Variants in TJP1 observed in about 807,000 individuals in gnomAD.
The protein encoded by TJP1 is tight junction protein 1, also known as tight junction protein ZO-1.
TJP1 carries 43 observed loss-of-function variants against 194.2 expected under a neutral mutation model. The observed-to-expected ratio is 0.22, with a 90% CI of 0.17 to 0.29. TJP1 has a LOEUF of 0.29. Ranked by LOEUF, TJP1 falls within the 10% of genes least tolerant of loss-of-function variation. The pLI is 1.00. For synonymous variants in TJP1, 801 were observed against 779.0 expected (o/e 1.03, Z -0.47); for missense variants, 1,971 against 2,185.7 (o/e 0.90, Z 1.96).
intron 26 of TJP1, among the ~76,000 whole-genome samples, chr15:29,704,868 T>C (rs1255003962): frequency 6.6e-6 from 1 of 152,130 alleles, no homozygotes; most frequent in African/African-American, 2.4e-5. Flanking sequence ...ATCCCCAAAA[T>C]CAGAGTACAG....
chr15:29,945,068 C>T (rs548233491), intron 2 of TJP1, among the ~76,000 whole-genome samples: 3 of 152,306 alleles, frequency 2.0e-5, no homozygotes, highest in African/African-American at 7.2e-5. Flanking sequence ...ATCCAACCCT[C>T]CCACATACTT....
intron 2 of TJP1, among the ~76,000 whole-genome samples, chr15:29,936,138 G>A (rs532100239): frequency 7.2e-5 from 11 of 151,740 alleles, no homozygotes; most frequent in African/African-American, 2.4e-4. Context: ...CCTCCTATGC[G>A]CTAGAGTCCA....
At chr15:29,897,688 C>T (rs1208513265) in intron 2 of TJP1, among the ~76,000 whole-genome samples, 1 of 152,178 alleles carries the variant, frequency 6.6e-6, no homozygotes, top group Non-Finnish European at 1.5e-5. Context: ...TGCCCAAGAC[C>T]ATGGGAATCC....
chr15:29,848,636 C>T (rs902759491), intron 2 of TJP1, among the ~76,000 whole-genome samples: 8 of 151,654 alleles, frequency 5.3e-5, no homozygotes, highest in East Asian at 1.9e-4. Context: ...CCAAGGCGAG[C>T]GGATCACAAG....
intron 2 of TJP1, among the ~76,000 whole-genome samples, chr15:29,858,187 G>A (rs1286180510): frequency 6.6e-6 from 1 of 152,180 alleles, no homozygotes; most frequent in African/African-American, 2.4e-5. Context: ...GATTCCTTGA[G>A]CTCATGAGTT....
intron 8 of TJP1, among the ~76,000 whole-genome samples, chr15:29,746,350 C>A (rs2044776519): frequency 6.6e-6 from 1 of 151,860 alleles, no homozygotes; most frequent in Admixed American, 6.6e-5. Context: ...TGCACTCCAG[C>A]CTGGACGACA....
At chr15:29,874,213 T>G (rs1337699028) in intron 2 of TJP1, among the ~76,000 whole-genome samples, 1 of 152,170 alleles carries the variant, frequency 6.6e-6, no homozygotes, top group Non-Finnish European at 1.5e-5. Context: ...AGATAGGGCC[T>G]GCGTCATGGC....
In TJP1 at chr15:29,766,557, G is replaced by A; in HGVS notation, c.313-15C>T. Reference sequence around the variant, plus strand: ...CTTCTAATTGTCTGCAAGTTAAAAAGGTTAAAAAATAAGTTGACTGATTTT... The same window carrying A: ...CTTCTAATTGTCTGCAAGTTAAAAAAGTTAAAAAATAAGTTGACTGATTTT... On this transcript the variant is annotated splice_polypyrimidine_tract_variant and intron_variant, in intron 4 of 27. Transcript: ENST00000614355. 6.6e-7 allele frequency: 1 copy of A among 1,520,502 alleles called. No homozygotes were observed. The highest frequency in any genetic ancestry group is 1.4e-5 in the African/African-American group (1 of 71,826). 94.2% of individuals were successfully genotyped at this position (1,520,502 alleles called of 1,614,324 possible).
At chr15:29,864,169 G>A (rs1382552887) in intron 2 of TJP1, among the ~76,000 whole-genome samples, 1 of 148,202 alleles carries the variant, frequency 6.7e-6, no homozygotes, top group East Asian at 2.0e-4. Context: ...CGAGGCGGGT[G>A]GATCACAAGG....
rs371403832 is a variant in TJP1, at chr15:29,867,208, G to A, written c.307-66506C>T. On this transcript the variant is annotated intron_variant, in intron 2 of 28. Coordinates refer to the TJP1 transcript ENST00000356107. ...AAAATTCAACCCATCGATGTTGAGCGAGACTCAGACCAGACATGCTGTTTG... is the reference window on the plus strand; with the variant it reads ...AAAATTCAACCCATCGATGTTGAGCAAGACTCAGACCAGACATGCTGTTTG... 3.3e-4 allele frequency among the ~76,000 whole-genome samples: 50 copies of A among 152,318 alleles called. No individual in the cohort carries two copies. The South Asian group carries it at 0.01, about 31-fold the overall frequency.
intron 2 of TJP1, among the ~76,000 whole-genome samples, chr15:29,883,915 T>C (rs963502392): frequency 2.6e-5 from 4 of 152,220 alleles, no homozygotes; most frequent in Non-Finnish European, 5.9e-5. Context: ...GGTGAAATTA[T>C]CACAATTTAT....
At position 29,822,457 on chromosome 15, in the gene TJP1, C is replaced by T. The variant is rs2050471033; in HGVS notation, c.-429G>A. 2.6e-5 allele frequency: 26 copies of T among 986,244 alleles called. No homozygotes were observed. Among genetic ancestry groups the T allele is most frequent in the Admixed American group, 6.1e-5 (1 of 16,272 alleles). The allele number at this position is 986,244 out of a possible 1,614,324, so 61.1% of individuals were successfully genotyped here. A position where few individuals can be genotyped will look rare whatever the true frequency, so the allele number is the denominator to read the frequency against. ...CCGCTGGCTCAGCCGGCGCCGGCAA[C>T]TCAGCGGCCACGCAAACCTGCCGGC... On this transcript the variant is annotated 5_prime_UTR_variant, in exon 1 of 28. Coordinates refer to ENST00000614355, the MANE Select transcript of TJP1 (RefSeq NM_001330239.4).
intron 18 of TJP1, among the ~76,000 whole-genome samples, chr15:29,724,811 A>G (rs562378497): frequency 6.6e-6 from 1 of 152,336 alleles, no homozygotes; most frequent in Admixed American, 6.5e-5. Flanking sequence ...GCCTGATAAT[A>G]AATAACCTAT....
chr15:29,800,620 G>A, intron 2 of TJP1, 26 bp downstream of exon 2: 1 of 1,612,850 alleles, frequency 6.2e-7, no homozygotes, highest in Non-Finnish European at 8.5e-7. Context: ...GTTATACACA[G>A]ATTACTTACT....
intron 1 of TJP1, among the ~76,000 whole-genome samples, chr15:29,806,495 G>A (rs1404007364): frequency 6.6e-6 from 1 of 152,146 alleles, no homozygotes; most frequent in Admixed American, 6.5e-5. Flanking sequence ...AAAACCAATA[G>A]TAAAGGTATT....
At chr15:29,952,098 AG>A (rs1189550196) in intron 2 of TJP1, among the ~76,000 whole-genome samples, 1 of 152,218 alleles carries the variant, frequency 6.6e-6, no homozygotes, top group East Asian at 1.9e-4. Flanking sequence ...TAAAGACAAA[AG>A]GTCACTTTTC....
chr15:29,760,182 G>C (rs1014393923), intron 8 of TJP1: 3 of 701,860 alleles, frequency 4.3e-6, no homozygotes, highest in African/African-American at 1.7e-5. Context: ...CATGGGTCAG[G>C]TGGTGGCCTA....
At chr15:29,753,881 A>G (rs2045472937) in intron 8 of TJP1, among the ~76,000 whole-genome samples, 3 of 152,068 alleles carry the variant, frequency 2.0e-5, no homozygotes, top group African/African-American at 7.2e-5. Context: ...AAGAACACGT[A>G]GTACTACCAA....
At chr15:29,941,341 C>T (rs1259461526) in intron 2 of TJP1, among the ~76,000 whole-genome samples, 1 of 152,188 alleles carries the variant, frequency 6.6e-6, no homozygotes. Flanking sequence ...CCTGGCCCTG[C>T]CTTAGTCCTC....
Sources: allele counts gnomAD v4.1 joint callset (sites outside exome capture counted in the v4.1 genomes callset), GRCh38; gene constraint gnomAD v4.1.1; transcripts MANE v1.5; gene names NCBI Gene and HGNC (gene_info 2026-07-23, HGNC 2026-07-21).